The following PHACTR3 variants were observed in gnomAD, a reference collection of about 807,000 sequenced individuals.
PHACTR3 encodes protein phosphatase 1, regulatory subunit 123.
PHACTR3 carries 16 observed loss-of-function variants against 66.8 expected under a neutral mutation model. The ratio of observed to expected loss-of-function variants is 0.24; its 90% confidence interval spans 0.16 to 0.36. The LOEUF (loss-of-function observed/expected upper bound fraction) is 0.36. Among genes scored for constraint, PHACTR3 ranks in the 10% least tolerant of loss-of-function variants. The pLI, the probability that PHACTR3 is intolerant of heterozygous loss-of-function variation, is 1.00. For synonymous variants in PHACTR3, 323 were observed against 292.1 expected (o/e 1.11, Z -1.08); for missense variants, 647 against 719.9 (o/e 0.90, Z 1.16).
chr20:59,755,444 A>G, intron 4 of PHACTR3, 80 bp downstream of exon 4: 1 of 1,439,194 alleles, frequency 6.9e-7, no homozygotes, highest in South Asian at 1.3e-5. Context: ...GCTATAGCTT[A>G]GGCAACAGCC....
At chr20:59,725,242 A>C (rs2038519364) in intron 1 of PHACTR3, among the ~76,000 whole-genome samples, 1 of 146,154 alleles carries the variant, frequency 6.8e-6, no homozygotes. Context: ...GTGCTCAGTG[A>C]GGTTGTGAGC....
At chr20:59,606,280 C>G (rs1479364723) in intron 1 of PHACTR3, among the ~76,000 whole-genome samples, 3 of 147,868 alleles carry the variant, frequency 2.0e-5, no homozygotes, top group African/African-American at 7.5e-5. Context: ...TCATTACAGG[C>G]AGCTGTGTGG....
At chr20:59,817,991 C>G (rs2145407421) in intron 8 of PHACTR3, among the ~76,000 whole-genome samples, 1 of 152,278 alleles carries the variant, frequency 6.6e-6, no homozygotes, top group Admixed American at 6.5e-5. Context: ...AATGGGTCAT[C>G]CTGTAAAGTG....
At chr20:59,705,107 C>A (rs2037652841) in intron 1 of PHACTR3, among the ~76,000 whole-genome samples, 1 of 152,014 alleles carries the variant, frequency 6.6e-6, no homozygotes, top group South Asian at 2.1e-4. Context: ...CAGGTGTGCA[C>A]CACCATACCC....
rs567770704 is a variant in PHACTR3 at position 59,773,569 on chromosome 20, C to G, written c.926+116C>G. The G allele has an allele frequency of 7.7e-5, 85 of 1,104,850 alleles. No homozygotes were observed. In the East Asian group the frequency reaches 2.2e-3, roughly 29 times the overall value. 68.4% of individuals were successfully genotyped at this position (1,104,850 alleles called of 1,614,324 possible). ...TTGGCTGGGTGTCCCGTTCTACAGTCACTTTCTGAACAAGGAAGTCACATT... is the reference window on the plus strand; with the variant it reads ...TTGGCTGGGTGTCCCGTTCTACAGTGACTTTCTGAACAAGGAAGTCACATT... On this transcript the variant is annotated intron_variant, in intron 6 of 12. Coordinates refer to ENST00000371015, the MANE Select transcript of PHACTR3 (RefSeq NM_080672.5).
At chr20:59,616,542 C>A (rs935266809) in intron 1 of PHACTR3, among the ~76,000 whole-genome samples, 3 of 152,318 alleles carry the variant, frequency 2.0e-5, no homozygotes, top group East Asian at 1.9e-4. Context: ...GGCGTTGCCC[C>A]CTGATTTCCT....
intron 3 of PHACTR3, among the ~76,000 whole-genome samples, chr20:59,753,361 G>A (rs767362776): frequency 1.3e-5 from 2 of 152,146 alleles, no homozygotes; most frequent in Non-Finnish European, 2.9e-5. Flanking sequence ...CGGAGGAGAC[G>A]TGTGCGGCAG....
chr20:59,638,823 T>C (rs2034994264), intron 1 of PHACTR3, among the ~76,000 whole-genome samples: 1 of 144,208 alleles, frequency 6.9e-6, no homozygotes, highest in Admixed American at 6.9e-5. Flanking sequence ...AATGGATGGG[T>C]AGATGGATGG....
At chr20:59,691,466 C>A (rs181505122) in intron 1 of PHACTR3, among the ~76,000 whole-genome samples, 1 of 152,040 alleles carries the variant, frequency 6.6e-6, no homozygotes, top group Admixed American at 6.5e-5. Context: ...AGATTCTATA[C>A]AATTTTGTGT....
chr20:59,645,951 A>G (rs2035269626), intron 1 of PHACTR3, among the ~76,000 whole-genome samples: 1 of 152,082 alleles, frequency 6.6e-6, no homozygotes, highest in Non-Finnish European at 1.5e-5. Flanking sequence ...GCTGGTCACT[A>G]TCATCACACA....
intron 1 of PHACTR3, among the ~76,000 whole-genome samples, chr20:59,704,549 T>G (rs1169925915): frequency 2.1e-5 from 3 of 144,820 alleles, no homozygotes; most frequent in African/African-American, 7.6e-5. Context: ...CTCAGCACTC[T>G]CCTGAGAATA....
intron 8 of PHACTR3, among the ~76,000 whole-genome samples, chr20:59,815,170 CATG>C (rs2041848959): frequency 1.3e-5 from 2 of 152,176 alleles, no homozygotes; most frequent in Admixed American, 1.3e-4. Flanking sequence ...GTGGTGTACA[CATG>C]AGGAGGGACC....
At chr20:59,641,063 TTGTC>T (rs1268782971) in intron 1 of PHACTR3, among the ~76,000 whole-genome samples, 9 of 152,150 alleles carry the variant, frequency 5.9e-5, no homozygotes, top group Non-Finnish European at 1.0e-4. Flanking sequence ...CATATTATAT[TTGTC>T]TGGGTTCTCC....
chr20:59,800,379 G>T (rs1321095480), intron 7 of PHACTR3, among the ~76,000 whole-genome samples: 1 of 152,094 alleles, frequency 6.6e-6, no homozygotes, highest in Non-Finnish European at 1.5e-5. Flanking sequence ...TTATGTCCAA[G>T]AAGGTACTTA....
chr20:59,764,692 C>G (rs1264362011), intron 4 of PHACTR3, among the ~76,000 whole-genome samples: 1 of 152,164 alleles, frequency 6.6e-6, no homozygotes, highest in Non-Finnish European at 1.5e-5. Context: ...TGGAAATGTG[C>G]TGGGTGACCA....
At chr20:59,739,933 C>T (rs2039089966) in intron 1 of PHACTR3, among the ~76,000 whole-genome samples, 1 of 152,076 alleles carries the variant, frequency 6.6e-6, no homozygotes, top group South Asian at 2.1e-4. Flanking sequence ...CAGCATTTCC[C>T]AGCTCTGAGA....
intron 6 of PHACTR3, 32 bp downstream of exon 6, chr20:59,773,485 C>G (rs2040426163): frequency 6.4e-7 from 1 of 1,558,498 alleles, no homozygotes. Flanking sequence ...GAGACCTGTG[C>G]TGCCAGAATC....
At chr20:59,766,390 A>G (rs1453368880) in intron 4 of PHACTR3, among the ~76,000 whole-genome samples, 3 of 152,218 alleles carry the variant, frequency 2.0e-5, no homozygotes. Flanking sequence ...AATGGAAAGG[A>G]ATCCAGGCAA....
intron 4 of PHACTR3, among the ~76,000 whole-genome samples, chr20:59,759,413 C>T (rs554109994): frequency 5.3e-5 from 8 of 152,200 alleles, no homozygotes; most frequent in Non-Finnish European, 1.2e-4. Context: ...AGTTTCTTTT[C>T]AGTCATCAAA....
Sources: allele counts gnomAD v4.1 joint callset (sites outside exome capture counted in the v4.1 genomes callset), GRCh38; gene constraint gnomAD v4.1.1; transcripts MANE v1.5; gene names NCBI Gene and HGNC (gene_info 2026-07-23, HGNC 2026-07-21).